PPFIA4: variants seen among roughly 807,000 people sequenced by gnomAD.
PPFIA4 encodes PPFI scaffold protein A4.
PPFIA4 carries 98 observed loss-of-function variants against 145.7 expected under a neutral mutation model. That is an observed-to-expected ratio of 0.67 (90% CI 0.57 to 0.80). The LOEUF is 0.80. PPFIA4 is among the 30% of genes least tolerant of loss of function. The pLI, the probability that PPFIA4 is intolerant of heterozygous loss-of-function variation, is 0.00. For synonymous variants in PPFIA4, 628 were observed against 649.6 expected (o/e 0.97, Z 0.51); for missense variants, 1,457 against 1,632.7 (o/e 0.89, Z 1.85).
intron 13 of PPFIA4, 72 bp downstream of exon 13, chr1:203,049,839 C>A: frequency 1.6e-6 from 2 of 1,285,910 alleles, no homozygotes; most frequent in African/African-American, 1.5e-5. Flanking sequence ...GACTTCCTTC[C>A]AACAAAAGAC....
In PPFIA4 at chr1:203,048,896, G is replaced by A. The variant is rs764250639; in HGVS notation, c.1357-22G>A. On this transcript the variant is annotated intron_variant, in intron 11 of 29. Transcript: ENST00000295706. This position sits in a 1 kb window ranked among gnomAD's most constrained non-coding sequence, Gnocchi z 5.8. ...AATGGGAGAGGAAGGCAGGGGCCTG[G>A]CTCACAGCTGCTCTCCCCCAGAACA... is the stretch of plus-strand genomic sequence containing the variant. 1.3e-6 allele frequency: 2 copies of A among 1,547,794 alleles called. No individual in the cohort carries two copies. The highest frequency in any genetic ancestry group is 2.4e-5 in the South Asian group (2 of 83,894).
chr1:203,028,242 G>T (rs1006036982), intron 1 of PPFIA4, among the ~76,000 whole-genome samples: 2 of 152,154 alleles, frequency 1.3e-5, no homozygotes, highest in African/African-American at 4.8e-5. Context: ...TGTCAGAACC[G>T]TGTGGTGCAT....
intron 1 of PPFIA4, among the ~76,000 whole-genome samples, chr1:203,030,359 G>T (rs1210566154): frequency 6.6e-6 from 1 of 152,190 alleles, no homozygotes; most frequent in Admixed American, 6.5e-5. Context: ...AGCGCTGCTG[G>T]GAGTGGAGGC....
In PPFIA4 at chr1:203,043,354, G is replaced by A; in HGVS notation, c.235-43G>A. On this transcript the variant is annotated intron_variant, in intron 2 of 29. Transcript: ENST00000295706. This position sits in a 1 kb window ranked among gnomAD's most constrained non-coding sequence, Gnocchi z 4.4. ...ACTTGCATGTGCAGGACACTGCTTT[G>A]GGGGTGAATCCTGAAGCACTGAGGG... The A allele has an allele frequency of 6.5e-7, 1 of 1,531,292 alleles. No homozygotes were observed. 94.9% of individuals were successfully genotyped at this position (1,531,292 alleles called of 1,614,324 possible).
In PPFIA4 at chr1:203,070,063, A is replaced by G. The variant is rs193241975; in HGVS notation, c.3324+1435A>G. On this transcript the variant is annotated intron_variant, in intron 27 of 29. Transcript: ENST00000295706. ...CCCAATACTGGCACAGACTGTCCTTATGGAACTCTACGCTTAATATTTTCT... is the reference window on the plus strand; with the variant it reads ...CCCAATACTGGCACAGACTGTCCTTGTGGAACTCTACGCTTAATATTTTCT... Among the ~76,000 whole-genome samples, 206 of 152,242 alleles carry G rather than the reference A, an allele frequency of 1.4e-3. 1 individual carries two copies. The highest frequency in any genetic ancestry group is 6.8e-3 in the Middle Eastern group (2 of 294).
intron 20 of PPFIA4, 72 bp from the exon 21 acceptor site, chr1:203,059,698 A>G (rs1661225661): frequency 7.6e-7 from 1 of 1,322,862 alleles, no homozygotes; most frequent in East Asian, 2.4e-5. Flanking sequence ...TGCACAGCCC[A>G]GTGGTCCCTG....
At position 203,068,599 on chromosome 1, in the gene PPFIA4, A is replaced by C; in HGVS notation, c.3295A>C (p.Ile1099Leu). 9.0e-6 allele frequency: 14 copies of C among 1,562,714 alleles called. No homozygotes were observed. The highest frequency in any genetic ancestry group is 1.2e-5 in the Non-Finnish European group (14 of 1,157,146). ...ENFDHNTLALILQIPTQNTQA... is the reference protein window; with the variant it reads ...ENFDHNTLALLLQIPTQNTQA... ...CTTCGACCACAACACACTGGCCCTGATCCTCCAGATCCCCACACAGAACAC... is the reference window on the plus strand; with the variant it reads ...CTTCGACCACAACACACTGGCCCTGCTCCTCCAGATCCCCACACAGAACAC... Residue 1099 changes from isoleucine to leucine, a missense_variant, in exon 27 of 30, where the codon ATC (isoleucine) becomes CTC (leucine). Physicochemically the swap from Ile to Leu is conservative, Grantham distance 5. Around this residue, in one of 3 missense-constraint regions of PPFIA4, gnomAD observed 848 missense variants for 1,046.7 expected, o/e 0.81. Transcript: ENST00000295706. The surrounding 1 kb of genome is among the most constrained non-coding windows in gnomAD (Gnocchi z 4.7).
intron 20 of PPFIA4, 109 bp from the exon 21 acceptor site, chr1:203,059,661 G>A: frequency 1.2e-6 from 1 of 857,480 alleles, no homozygotes; most frequent in African/African-American, 1.7e-5. Context: ...CCAGGGTGGG[G>A]AGCAAGGGTT....
At chr1:203,051,368 C>A in intron 13 of PPFIA4, 2 of 960,646 alleles carry the variant, frequency 2.1e-6, no homozygotes, top group Non-Finnish European at 2.5e-6. Context: ...AGACATCATC[C>A]CTTCCAACAT....
intron 19 of PPFIA4, among the ~76,000 whole-genome samples, chr1:203,058,833 C>T (rs1316631406): frequency 6.6e-6 from 1 of 152,126 alleles, no homozygotes; most frequent in Non-Finnish European, 1.5e-5. Flanking sequence ...TTGTAGCCCA[C>T]TTGTGTTTGG....
chr1:203,029,424 A>G (rs1392126186), intron 1 of PPFIA4, among the ~76,000 whole-genome samples: 4 of 152,366 alleles, frequency 2.6e-5, no homozygotes, highest in South Asian at 4.1e-4. Flanking sequence ...GGTGCTCAGC[A>G]CTGACCCCCT....
At chr1:203,067,864 G>C (rs1661843912) in intron 26 of PPFIA4, 72 bp downstream of exon 26, 1 of 1,293,188 alleles carries the variant, frequency 7.7e-7, no homozygotes, top group Non-Finnish European at 1.1e-6. Context: ...GCCAAGTGGA[G>C]GGGAGGCATT....
chr1:203,055,357 A>G lies in PPFIA4; in HGVS notation c.1830-75A>G. 2 of 1,584,082 alleles carry G rather than the reference A, an allele frequency of 1.3e-6. No individual in the cohort carries two copies. The highest frequency in any genetic ancestry group is 1.7e-6 in the Non-Finnish European group (2 of 1,156,024). On this transcript the variant is annotated intron_variant, in intron 15 of 29. Coordinates refer to ENST00000295706, the MANE Select transcript of PPFIA4 (RefSeq NM_001304331.2). This position sits in a 1 kb window ranked among gnomAD's most constrained non-coding sequence, Gnocchi z 4.8. ...GCATGTGGTCCTTGGTGGCGAGTGC[A>G]GGCATCGACCCGCACTGCCTCCTGC... is the stretch of plus-strand genomic sequence containing the variant.
rs753597742 is a variant in PPFIA4, at chr1:203,043,520, T to TCG, written c.336+32_336+33dup. 4.4e-6 allele frequency: 7 copies of TCG among 1,585,032 alleles called. No individual in the cohort carries two copies. The highest frequency in any genetic ancestry group is 1.7e-4 in the Middle Eastern group (1 of 6,054). On this transcript the variant is annotated intron_variant, in intron 3 of 29. Coordinates refer to ENST00000295706, the MANE Select transcript of PPFIA4 (RefSeq NM_001304331.2). This position sits in a 1 kb window ranked among gnomAD's most constrained non-coding sequence, Gnocchi z 4.4. ...ACGGGTAAGTGGGGATGACCTTGTG[T>TCG]CGCGCGCGCGCACGTGTGTGTGTGT...
chr1:203,054,488 A>G (rs1267941041), intron 15 of PPFIA4, among the ~76,000 whole-genome samples: 1 of 152,196 alleles, frequency 6.6e-6, no homozygotes, highest in Non-Finnish European at 1.5e-5. Flanking sequence ...TAAGGCATCA[A>G]ACAGAAACAG....
chr1:203,051,701 C>T lies in PPFIA4; in HGVS notation c.1512-68C>T. 4 of 1,541,792 alleles carry T rather than the reference C, an allele frequency of 2.6e-6. No individual in the cohort carries two copies. The South Asian group carries it at 3.7e-5, about 14-fold the overall frequency. On this transcript the variant is annotated intron_variant, in intron 13 of 29. Coordinates refer to ENST00000295706, the MANE Select transcript of PPFIA4 (RefSeq NM_001304331.2). Reference sequence around the variant, plus strand: ...CTGAAGATCCCTTGACTCTTTGGGCCCACTGGGTGTGAGCTGGGGGTCTCA... The same window carrying T: ...CTGAAGATCCCTTGACTCTTTGGGCTCACTGGGTGTGAGCTGGGGGTCTCA...
intron 14 of PPFIA4, 98 bp from the exon 15 acceptor site, chr1:203,053,655 A>C: frequency 7.2e-6 from 7 of 976,654 alleles, no homozygotes; most frequent in Non-Finnish European, 1.1e-5. Flanking sequence ...GCAAGCTCCC[A>C]GGAGATGCCA....
intron 17 of PPFIA4, 48 bp from the exon 18 acceptor site, chr1:203,056,327 G>T (rs777555385): frequency 6.2e-7 from 1 of 1,605,778 alleles, no homozygotes; most frequent in Admixed American, 1.7e-5. Context: ...GGGTAGGCAG[G>T]CCCGAGATCT....
At chr1:203,030,799 T>G (rs1658769902) in intron 1 of PPFIA4, among the ~76,000 whole-genome samples, 1 of 152,236 alleles carries the variant, frequency 6.6e-6, no homozygotes, top group Admixed American at 6.5e-5. Flanking sequence ...CATGTGCTCC[T>G]GGGAGCATGT....
Sources: gnomAD v4.1 joint callset for allele counts (sites outside exome capture counted in the v4.1 genomes callset) on GRCh38, gnomAD v4.1.1 for gene constraint, gnomAD v4.1.1 regional missense constraint, Gnocchi (gnomAD v3.1) non-coding constraint, MANE v1.5 for transcripts, NCBI Gene and HGNC (gene_info 2026-07-23, HGNC 2026-07-21) for gene names.